The following FAM13C variants were observed in gnomAD, a reference collection of about 807,000 sequenced individuals.
FAM13C encodes the protein family with sequence similarity 13 member C, also known as protein FAM13C.
A neutral mutation model predicts 73.2 loss-of-function variants in FAM13C; 37 were observed. The observed-to-expected ratio is 0.51, with a 90% CI of 0.39 to 0.67. The LOEUF is 0.67. FAM13C is among the 30% of genes least tolerant of loss of function. The pLI is 0.00. For missense variants in FAM13C, 589 were observed against 715.6 expected, an observed-to-expected ratio of 0.82 and a Z score of 2.02; for synonymous variants, 246 against 260.9, an observed-to-expected ratio of 0.94 and a Z score of 0.55.
At chr10:59,318,014 A>G (rs1225090228) in intron 4 of FAM13C, among the ~76,000 whole-genome samples, 2 of 151,328 alleles carry the variant, frequency 1.3e-5, no homozygotes, top group East Asian at 3.9e-4. Flanking sequence ...TCTCTTTATA[A>G]CGTTAAAACA....
chr10:59,323,889 G>T (rs771889079), intron 4 of FAM13C, 99 bp downstream of exon 4: 2 of 1,054,944 alleles, frequency 1.9e-6, no homozygotes, highest in East Asian at 4.7e-5. Context: ...GCCAGCAAAA[G>T]TCAGAAAGCC....
At position 59,320,729 on chromosome 10, in the gene FAM13C, T is replaced by C. The variant is rs530509452; in HGVS notation, c.443+3259A>G. Among the ~76,000 whole-genome samples, 246 of 152,336 alleles carry C rather than the reference T, an allele frequency of 1.6e-3. 4 individuals are homozygous for C. The South Asian group carries it at 0.022, about 13-fold the overall frequency. On this transcript the variant is annotated intron_variant, in intron 4 of 13. Transcript: ENST00000618804. Reference sequence around the variant, plus strand: ...AGCCGGATTCGTTACAGCTCGGCGTTTGCCTTATTTGAACATGGTTTGAAC... The same window carrying C: ...AGCCGGATTCGTTACAGCTCGGCGTCTGCCTTATTTGAACATGGTTTGAAC...
intron 4 of FAM13C, among the ~76,000 whole-genome samples, chr10:59,320,162 C>G (rs1395707193): frequency 6.6e-6 from 1 of 152,162 alleles, no homozygotes; most frequent in Non-Finnish European, 1.5e-5. Flanking sequence ...CTAGTTGTTG[C>G]CTTGGAGGAA....
intron 6 of FAM13C, 184 bp from the exon 7 acceptor site, chr10:59,270,293 A>T: frequency 1.6e-6 from 1 of 629,354 alleles, no homozygotes; most frequent in South Asian, 2.1e-5. Flanking sequence ...TGGACAGAAA[A>T]TATTACAAAG....
At chr10:59,346,585 G>A (rs984618502) in intron 3 of FAM13C, among the ~76,000 whole-genome samples, 3 of 152,148 alleles carry the variant, frequency 2.0e-5, no homozygotes, top group Non-Finnish European at 4.4e-5. Flanking sequence ...CCACCAGAGG[G>A]GAGGGCAGCA....
At position 59,362,518 on chromosome 10, in the gene FAM13C, T is replaced by A. The variant is rs757945083; in HGVS notation, c.-58A>T. Reference sequence around the variant, plus strand: ...ATTGCTCTCCGGGAGTTAGAGCACATACACAAACATGGCATTGCAAGGCAA... The same window carrying A: ...ATTGCTCTCCGGGAGTTAGAGCACAAACACAAACATGGCATTGCAAGGCAA... On this transcript the variant is annotated 5_prime_UTR_variant, in exon 1 of 14. The change abolishes an upstream ATG in the 5' untranslated region. Transcript: ENST00000618804. 1 of 1,595,630 alleles carries A rather than the reference T, an allele frequency of 6.3e-7. No individual in the cohort carries two copies. The highest frequency in any genetic ancestry group is 8.5e-7 in the Non-Finnish European group (1 of 1,170,070).
At chr10:59,307,694 G>A (rs940992302) in intron 4 of FAM13C, among the ~76,000 whole-genome samples, 1 of 152,162 alleles carries the variant, frequency 6.6e-6, no homozygotes, top group African/African-American at 2.4e-5. Flanking sequence ...AAATAAACCA[G>A]TGATTATCTA....
chr10:59,297,906 A>AT (rs1172832025), intron 5 of FAM13C, among the ~76,000 whole-genome samples: 2 of 151,746 alleles, frequency 1.3e-5, no homozygotes, highest in African/African-American at 4.8e-5. Context: ...GGGACAAAAA[A>AT]AAAAGTCAGT....
intron 5 of FAM13C, among the ~76,000 whole-genome samples, chr10:59,301,430 A>G (rs1291838789): frequency 6.6e-6 from 1 of 152,228 alleles, no homozygotes; most frequent in Non-Finnish European, 1.5e-5. Context: ...ACTTCATGTC[A>G]TTTGCAAACA....
intron 5 of FAM13C, among the ~76,000 whole-genome samples, chr10:59,298,935 A>G (rs1470863390): frequency 6.6e-6 from 1 of 152,176 alleles, no homozygotes; most frequent in Non-Finnish European, 1.5e-5. Flanking sequence ...GTAGAGAGTA[A>G]AATAGGGTTA....
At chr10:59,282,657 GAAAACATA>G (rs1845069562) in intron 6 of FAM13C, 1 of 152,064 alleles carries the variant, frequency 6.6e-6, no homozygotes, top group Non-Finnish European at 1.5e-5. Flanking sequence ...TGTTATGTTA[GAAAACATA>G]AGCTGTGCTC....
At chr10:59,357,803 A>G (rs1328773961) in intron 1 of FAM13C, among the ~76,000 whole-genome samples, 1 of 152,246 alleles carries the variant, frequency 6.6e-6, no homozygotes, top group Non-Finnish European at 1.5e-5. Context: ...TTTGAAAAAG[A>G]TCTGAATCCT....
intron 8 of FAM13C, among the ~76,000 whole-genome samples, chr10:59,265,865 G>A (rs956597054): frequency 6.6e-6 from 1 of 152,182 alleles, no homozygotes; most frequent in African/African-American, 2.4e-5. Context: ...TCATATACAA[G>A]CTGTAGATCT....
chr10:59,254,400 C>G lies in FAM13C; in HGVS notation c.1280G>C (p.Arg427Pro). 5.1e-6 allele frequency: 8 copies of G among 1,560,966 alleles called. No homozygotes were observed. Among genetic ancestry groups the G allele is most frequent in the Non-Finnish European group, 6.9e-6 (8 of 1,152,046 alleles). The change falls in exon 11 of 14, where the codon CGA (arginine) becomes CCA (proline). Residue 427 changes from arginine to proline, a missense_variant. Coordinates refer to ENST00000618804, the MANE Select transcript of FAM13C (RefSeq NM_198215.4). Reference sequence around the variant, plus strand: ...CAAGATTTGCTTGATAATTCTGTATCGGTCATAAAGCGGCTTTATGAGGTT... The same window carrying G: ...CAAGATTTGCTTGATAATTCTGTATGGGTCATAAAGCGGCTTTATGAGGTT... Reference protein sequence around the residue: ...DKNLIKPLYDRYRIIKQILST... With the variant: ...DKNLIKPLYDPYRIIKQILST...
chr10:59,355,790 T>C, intron 2 of FAM13C, 97 bp downstream of exon 2: 1 of 1,192,654 alleles, frequency 8.4e-7, no homozygotes, highest in Non-Finnish European at 1.2e-6. Context: ...AACAAATAAT[T>C]GGAATTCAAA....
In FAM13C at chr10:59,270,337, G is replaced by A. The variant is rs140745385; in HGVS notation, c.593-228C>T. The A allele has an allele frequency of 1.5e-3, 796 of 529,166 alleles. 3 individuals are homozygous for A. In the Middle Eastern group the frequency reaches 0.016, roughly 11 times the overall value. The allele number at this position is 529,166 out of a possible 1,614,324, so 32.8% of individuals were successfully genotyped here. On this transcript the variant is annotated intron_variant, in intron 6 of 13. Transcript: ENST00000618804. ...AAAACAAAGGAAACAAATAAGTTTG[G>A]TATGAGTTATACAATCAACACAACC... is the stretch of plus-strand genomic sequence containing the variant.
chr10:59,338,203 A>G (rs1055424722), intron 3 of FAM13C, among the ~76,000 whole-genome samples: 6 of 152,168 alleles, frequency 3.9e-5, no homozygotes, highest in Non-Finnish European at 7.3e-5. Context: ...ACTGGGATGC[A>G]GGAATGAAAA....
At chr10:59,306,576 G>A (rs1178357152) in intron 4 of FAM13C, among the ~76,000 whole-genome samples, 2 of 152,150 alleles carry the variant, frequency 1.3e-5, no homozygotes, top group African/African-American at 2.4e-5. Flanking sequence ...AAGGGTTGAC[G>A]TTAGAATGGA....
intron 3 of FAM13C, among the ~76,000 whole-genome samples, chr10:59,349,662 T>C (rs1854769229): frequency 2.0e-5 from 3 of 151,036 alleles, no homozygotes; most frequent in Non-Finnish European, 4.4e-5. Flanking sequence ...ACTTGGGAGG[T>C]TGAGGCAGGA....
Sources: gnomAD v4.1 joint callset for allele counts (sites outside exome capture counted in the v4.1 genomes callset) on GRCh38, gnomAD v4.1.1 for gene constraint, MANE v1.5 for transcripts, NCBI Gene and HGNC (gene_info 2026-07-23, HGNC 2026-07-21) for gene names.